The following CDH4 variants were observed in gnomAD, a reference collection of about 807,000 sequenced individuals.
CDH4 encodes the protein cadherin-4.
A neutral mutation model predicts 86.0 loss-of-function variants in CDH4; 33 were observed. That is an observed-to-expected ratio of 0.38 (90% CI 0.29 to 0.51). CDH4 has a LOEUF of 0.51. Among genes scored for constraint, CDH4 ranks in the 20% least tolerant of loss-of-function variants. The probability of loss-of-function intolerance (pLI) is 0.86; values close to 1 mark genes in which losing one functional copy is unlikely to be tolerated. For synonymous variants in CDH4, 555 were observed against 549.4 expected (o/e 1.01, Z -0.14); for missense variants, 1,114 against 1,307.4 (o/e 0.85, Z 2.28).
intron 2 of CDH4, among the ~76,000 whole-genome samples, chr20:61,482,225 C>T (rs537187188): frequency 6.6e-6 from 1 of 152,346 alleles, no homozygotes; most frequent in African/African-American, 2.4e-5. Context: ...GTTATCAGAG[C>T]TCTGGCCACG....
At chr20:61,619,257 C>G (rs893748388) in intron 2 of CDH4, among the ~76,000 whole-genome samples, 14 of 152,232 alleles carry the variant, frequency 9.2e-5, no homozygotes, top group African/African-American at 3.4e-4. Flanking sequence ...AGCCCCAGCC[C>G]CAGCTGCCAT....
At chr20:61,936,647 CTCT>C (rs1014258367) in intron 15 of CDH4, 87 bp from the exon 16 acceptor site, 5 of 1,092,608 alleles carry the variant, frequency 4.6e-6, no homozygotes, top group African/African-American at 3.3e-5. Context: ...ACCTCCCTAC[CTCT>C]TCTTCTGGGC....
Position 61,852,877 on chromosome 20 carries a change from G to T in CDH4, c.856G>T (p.Val286Leu). Residue 286 changes from valine (V) to leucine (L), a missense_variant, in exon 6 of 16, where the codon GTG becomes TTG. Val to Leu is a conservative substitution (Grantham distance 32, BLOSUM62 1). Around this residue, in one of 3 missense-constraint regions of CDH4, gnomAD observed 705 missense variants for 914.1 expected, o/e 0.77. Transcript: ENST00000614565. ...EFINQVYNGS[V>L]DEGSKPGTYV... ...CATCAACCAGGTCTACAACGGCTCC[G>T]TGGACGAGGGCTCCAAGCCAGGTGA... The T allele has an allele frequency of 6.2e-7, 1 of 1,613,868 alleles. No individual in the cohort carries two copies. Among genetic ancestry groups the T allele is most frequent in the Non-Finnish European group, 8.5e-7 (1 of 1,179,876 alleles).
At chr20:61,411,036 G>A (rs879727881) in intron 2 of CDH4, among the ~76,000 whole-genome samples, 9 of 149,988 alleles carry the variant, frequency 6.0e-5, no homozygotes, top group Non-Finnish European at 1.2e-4. Flanking sequence ...CCACACAACC[G>A]TCCATTCATC....
chr20:61,637,241 G>A lies in CDH4; in HGVS notation c.170-106322G>A, dbSNP rs111686965. On this transcript the variant is annotated intron_variant, in intron 2 of 15. Coordinates refer to ENST00000614565, the MANE Select transcript of CDH4 (RefSeq NM_001794.5). Reference sequence around the variant, plus strand: ...GGCACGAGGAAGCTAGTGAGGGGATGCGCGTGTGTGTCTGACTCTGCCGTT... The same window carrying A: ...GGCACGAGGAAGCTAGTGAGGGGATACGCGTGTGTGTCTGACTCTGCCGTT... Among the ~76,000 whole-genome samples the A allele has an allele frequency of 1.5e-3, 234 of 152,364 alleles. 1 individual carries two copies. The highest frequency in any genetic ancestry group is 4.8e-3 in the South Asian group (23 of 4,826).
chr20:61,269,632 T>C lies in CDH4; in HGVS notation c.169+14695T>C, dbSNP rs1233484614. Reference sequence around the variant, plus strand: ...TTATTTATTTAATTAATTATACTTATTTATTAATGTAAACACATCAGGCCC... The same window carrying C: ...TTATTTATTTAATTAATTATACTTACTTATTAATGTAAACACATCAGGCCC... On this transcript the variant is annotated intron_variant, in intron 2 of 15. Transcript: ENST00000614565. The surrounding 1 kb of genome is among the most constrained non-coding windows in gnomAD (Gnocchi z 5.3). Among the ~76,000 whole-genome samples the C allele has an allele frequency of 2.6e-5, 4 of 152,124 alleles. No individual in the cohort carries two copies. Among genetic ancestry groups the C allele is most frequent in the Admixed American group, 2.0e-4 (3 of 15,274 alleles).
chr20:61,699,459 T>C (rs921608760), intron 2 of CDH4, among the ~76,000 whole-genome samples: 2 of 152,224 alleles, frequency 1.3e-5, no homozygotes, highest in Non-Finnish European at 2.9e-5. Context: ...CCAGGAGCAC[T>C]GTTCACCGTG....
chr20:61,409,009 G>A (rs2085099756), intron 2 of CDH4, among the ~76,000 whole-genome samples: 1 of 152,190 alleles, frequency 6.6e-6, no homozygotes, highest in African/African-American at 2.4e-5. Context: ...TCCGGAAACT[G>A]TGCAGTTTAG....
intron 2 of CDH4, among the ~76,000 whole-genome samples, chr20:61,423,813 G>A (rs1394967427): frequency 6.6e-6 from 1 of 152,136 alleles, no homozygotes; most frequent in Admixed American, 6.5e-5. Flanking sequence ...GGATGGTCCC[G>A]TCGCAATCAG....
At chr20:61,936,287 CTGCCCTTCCCCTATAAA>C (rs2055182753) in intron 15 of CDH4, among the ~76,000 whole-genome samples, 1 of 133,556 alleles carries the variant, frequency 7.5e-6, no homozygotes, top group African/African-American at 2.9e-5. Flanking sequence ...CCACACCCCC[CTGCCCTTCCCCTATAAA>C]CCCTCACAGC....
intron 2 of CDH4, among the ~76,000 whole-genome samples, chr20:61,721,324 G>T (rs1291046280): frequency 1.3e-5 from 2 of 152,170 alleles, no homozygotes; most frequent in Non-Finnish European, 2.9e-5. Context: ...TGGAATTAAG[G>T]CCAGGCATGG....
intron 2 of CDH4, among the ~76,000 whole-genome samples, chr20:61,372,141 A>G (rs758923997): frequency 1.8e-4 from 28 of 152,140 alleles, no homozygotes; most frequent in Non-Finnish European, 3.4e-4. Flanking sequence ...TTTGGCCCCT[A>G]AGTGAAGCGT....
intron 2 of CDH4, among the ~76,000 whole-genome samples, chr20:61,741,254 G>A (rs1435787085): frequency 1.3e-5 from 2 of 152,156 alleles, no homozygotes; most frequent in Admixed American, 6.5e-5. Context: ...GTGTGCAGGG[G>A]CCCTGGTGCG....
chr20:61,477,330 CA>C (rs1325263363), intron 2 of CDH4, among the ~76,000 whole-genome samples: 3 of 131,880 alleles, frequency 2.3e-5, no homozygotes, highest in Non-Finnish European at 3.6e-5. Context: ...GTCCGGGCCC[CA>C]TGGGGTTAGG....
intron 3 of CDH4, among the ~76,000 whole-genome samples, chr20:61,749,695 T>C (rs978317190): frequency 3.9e-5 from 6 of 152,118 alleles, no homozygotes; most frequent in Admixed American, 3.3e-4. Context: ...GTAATAAAAC[T>C]ACTGGGATGT....
intron 2 of CDH4, among the ~76,000 whole-genome samples, chr20:61,608,067 C>G (rs1302989623): frequency 6.6e-6 from 1 of 152,126 alleles, no homozygotes; most frequent in Non-Finnish European, 1.5e-5. Context: ...TGCATCTCCC[C>G]CTTCCATCAT....
At chr20:61,379,335 C>T (rs6121394) in intron 2 of CDH4, among the ~76,000 whole-genome samples, 37,147 of 151,586 alleles carry the variant, frequency 0.25, 4,883 homozygotes, top group African/African-American at 0.34. Context: ...CGGTCACTAA[C>T]AGGGCAGCAG....
At chr20:61,583,161 AGGGCTCTG>A (rs2086442782) in intron 2 of CDH4, among the ~76,000 whole-genome samples, 2 of 64,972 alleles carry the variant, frequency 3.1e-5, no homozygotes, top group African/African-American at 5.4e-5. Context: ...GGAGGGACAG[AGGGCTCTG>A]CGGGGGGGAC....
intron 2 of CDH4, among the ~76,000 whole-genome samples, chr20:61,673,574 A>G (rs2087413773): frequency 6.6e-6 from 1 of 152,206 alleles, no homozygotes; most frequent in South Asian, 2.1e-4. Flanking sequence ...AGGTCTCATT[A>G]TCTCAAGAAC....
Sources: allele counts gnomAD v4.1 joint callset (sites outside exome capture counted in the v4.1 genomes callset), GRCh38; gene constraint gnomAD v4.1.1; regional missense constraint gnomAD v4.1.1; non-coding constraint Gnocchi (gnomAD v3.1); transcripts MANE v1.5; gene names NCBI Gene and HGNC (gene_info 2026-07-23, HGNC 2026-07-21).